CEP112: variants seen among roughly 807,000 people sequenced by gnomAD.
CEP112 encodes the protein centrosomal protein 112.
A neutral mutation model predicts 153.0 loss-of-function variants in CEP112; 127 were observed. That is an observed-to-expected ratio of 0.83 (90% CI 0.72 to 0.96). CEP112 has a LOEUF of 0.96. CEP112 is among the 40% of genes least tolerant of loss of function. The probability of loss-of-function intolerance (pLI) is 0.00; values close to 1 mark genes in which losing one functional copy is unlikely to be tolerated. For missense variants in CEP112, 1,089 were observed against 1,101.2 expected (o/e 0.99, Z 0.16); for synonymous variants, 358 against 374.4 (o/e 0.96, Z 0.51).
chr17:65,912,704 T>C (rs2060333762), intron 19 of CEP112, among the ~76,000 whole-genome samples: 1 of 152,156 alleles, frequency 6.6e-6, no homozygotes, highest in Admixed American at 6.5e-5. Context: ...AAAATAAAGA[T>C]GAAGGACAGT....
intron 4 of CEP112, among the ~76,000 whole-genome samples, chr17:66,158,740 G>A (rs1222551486): frequency 6.6e-6 from 1 of 152,104 alleles, no homozygotes; most frequent in Non-Finnish European, 1.5e-5. Flanking sequence ...ATGCCCACAG[G>A]AAAAAGCAGG....
At chr17:65,777,475 A>G (rs577204606) in intron 21 of CEP112, among the ~76,000 whole-genome samples, 1 of 152,272 alleles carries the variant, frequency 6.6e-6, no homozygotes, top group African/African-American at 2.4e-5. Flanking sequence ...CCCTGAGAAC[A>G]TAACAATTTC....
intron 23 of CEP112, among the ~76,000 whole-genome samples, chr17:65,691,194 A>C (rs1384610662): frequency 1.3e-5 from 2 of 152,158 alleles, no homozygotes; most frequent in African/African-American, 4.8e-5. Flanking sequence ...GCTCAGCCTC[A>C]GTTGGCTTCA....
chr17:66,017,191 C>T (rs943916347), intron 16 of CEP112, among the ~76,000 whole-genome samples: 2 of 152,158 alleles, frequency 1.3e-5, no homozygotes, highest in African/African-American at 2.4e-5. Flanking sequence ...GAAAGTAGTA[C>T]CTGAATTGCC....
intron 6 of CEP112, among the ~76,000 whole-genome samples, chr17:66,102,324 A>C (rs1419711702): frequency 6.6e-6 from 1 of 152,204 alleles, no homozygotes. Flanking sequence ...ATAGGCCATA[A>C]ATGGTAAATG....
chr17:65,866,029 G>C (rs572132142), intron 20 of CEP112, among the ~76,000 whole-genome samples: 1 of 152,178 alleles, frequency 6.6e-6, no homozygotes, highest in South Asian at 2.1e-4. Context: ...GCCTCCCTGT[G>C]CTCTAGGGGT....
intron 16 of CEP112, among the ~76,000 whole-genome samples, chr17:66,013,717 C>A (rs1008833478): frequency 1.3e-5 from 2 of 152,240 alleles, no homozygotes; most frequent in Non-Finnish European, 2.9e-5. Context: ...CATGTGCCAG[C>A]AGCAGTGGTA....
intron 9 of CEP112, among the ~76,000 whole-genome samples, chr17:66,067,461 G>A (rs910176629): frequency 2.0e-5 from 3 of 152,048 alleles, no homozygotes; most frequent in Admixed American, 2.0e-4. Context: ...TTATACTTAC[G>A]ATATCTACTG....
intron 24 of CEP112, among the ~76,000 whole-genome samples, chr17:65,664,018 C>T (rs1034864480): frequency 1.3e-5 from 2 of 152,042 alleles, no homozygotes; most frequent in Non-Finnish European, 2.9e-5. Flanking sequence ...TGCACTCCAG[C>T]CTGGGCGACA....
At chr17:66,029,304 A>G in intron 13 of CEP112, 52 bp from the exon 14 acceptor site, 1 of 1,507,252 alleles carries the variant, frequency 6.6e-7, no homozygotes, top group South Asian at 1.2e-5. Flanking sequence ...ACCAATCTCT[A>G]AAATGAAATT....
intron 8 of CEP112, among the ~76,000 whole-genome samples, chr17:66,070,395 T>C (rs1352212570): frequency 6.6e-6 from 1 of 152,200 alleles, no homozygotes; most frequent in African/African-American, 2.4e-5. Context: ...TTTATTTTTT[T>C]TTCTTTGATC....
intron 16 of CEP112, among the ~76,000 whole-genome samples, chr17:66,025,922 C>CACACACACACAA (rs2065184121): frequency 1.0e-5 from 1 of 99,726 alleles, no homozygotes; most frequent in African/African-American, 4.8e-5. Context: ...ATGTGGCATA[C>CACACACACACAA]ACACACACAC....
At chr17:66,067,338 TA>T (rs2067160598) in intron 9 of CEP112, among the ~76,000 whole-genome samples, 2 of 152,202 alleles carry the variant, frequency 1.3e-5, no homozygotes, top group African/African-American at 4.8e-5. Flanking sequence ...CAGTGTTTTG[TA>T]AATTAGGTAG....
chr17:65,700,343 A>G (rs777046666), intron 23 of CEP112, among the ~76,000 whole-genome samples: 47 of 152,218 alleles, frequency 3.1e-4, no homozygotes, highest in Non-Finnish European at 6.5e-4. Flanking sequence ...ACAATACCAC[A>G]TGAGCACTGC....
At chr17:65,724,767 A>T (rs62063589) in intron 23 of CEP112, among the ~76,000 whole-genome samples, 20,123 of 152,206 alleles carry the variant, frequency 0.13, 1,558 homozygotes, top group South Asian at 0.18. Flanking sequence ...AGCAACAAAG[A>T]TGATCTGAAA....
intron 9 of CEP112, among the ~76,000 whole-genome samples, chr17:66,067,534 T>C: frequency 6.6e-6 from 1 of 152,164 alleles, no homozygotes; most frequent in East Asian, 1.9e-4. Context: ...AGGTATACAT[T>C]AATAGAAACT....
At chr17:65,999,021 CGTTT>C (rs1410376106) in intron 17 of CEP112, among the ~76,000 whole-genome samples, 1 of 151,922 alleles carries the variant, frequency 6.6e-6, no homozygotes. Context: ...CCATTCTCCA[CGTTT>C]GTTATATTTT....
chr17:66,069,563 C>T (rs1218407577), intron 9 of CEP112, among the ~76,000 whole-genome samples: 1 of 151,758 alleles, frequency 6.6e-6, no homozygotes, highest in African/African-American at 2.4e-5. Flanking sequence ...TAGAATAAAA[C>T]AAATTCTAGT....
intron 17 of CEP112, among the ~76,000 whole-genome samples, chr17:66,000,165 T>C (rs1474825363): frequency 6.6e-6 from 1 of 152,046 alleles, no homozygotes; most frequent in Non-Finnish European, 1.5e-5. Context: ...TTCCAATGGC[T>C]CAACTAATTT....
Sources: gnomAD v4.1 joint callset for allele counts (sites outside exome capture counted in the v4.1 genomes callset) on GRCh38, gnomAD v4.1.1 for gene constraint, MANE v1.5 for transcripts, NCBI Gene and HGNC (gene_info 2026-07-23, HGNC 2026-07-21) for gene names.